The following KCNJ6 variants were observed in gnomAD, a reference collection of about 807,000 sequenced individuals.
KCNJ6 encodes potassium inwardly rectifying channel subfamily J member 6.
KCNJ6 carries 9 observed loss-of-function variants against 34.2 expected under a neutral mutation model. That is an observed-to-expected ratio of 0.26 (90% confidence interval 0.16 to 0.46). The LOEUF (loss-of-function observed/expected upper bound fraction) is 0.46. Among genes scored for constraint, KCNJ6 ranks in the 20% least tolerant of loss-of-function variants. The pLI, the probability that KCNJ6 is intolerant of heterozygous loss-of-function variation, is 1.00. For missense variants in KCNJ6, 236 were observed against 531.3 expected (o/e 0.44, Z 5.46); for synonymous variants, 196 against 207.1 (o/e 0.95, Z 0.46).
At chr21:37,650,445 G>A (rs946561566) in intron 3 of KCNJ6, among the ~76,000 whole-genome samples, 5 of 152,200 alleles carry the variant, frequency 3.3e-5, no homozygotes, top group African/African-American at 1.2e-4. Context: ...GGTACCAGGT[G>A]TGTAGTGCGT....
chr21:37,809,462 A>G (rs1420344387), intron 2 of KCNJ6, among the ~76,000 whole-genome samples: 6 of 152,102 alleles, frequency 3.9e-5, no homozygotes, highest in Non-Finnish European at 5.9e-5. Flanking sequence ...CCAACATGGC[A>G]CATGTATACA....
rs2054267086 is a variant in KCNJ6, at chr21:37,616,470, TC to T, written c.*8688del. ...AGATCCCACTGGACCAGTCCAGCTG[TC>T]CTTTCAGCACAAGACCTAACTTTAT... On this transcript the variant is annotated 3_prime_UTR_variant, in exon 4 of 4. Transcript: ENST00000609713. 1 of 150,644 alleles carries T rather than the reference TC, an allele frequency of 6.6e-6. No individual in the cohort carries two copies. The highest frequency in any genetic ancestry group is 1.5e-5 in the Non-Finnish European group (1 of 67,698). 9.3% of individuals were successfully genotyped at this position (150,644 alleles called of 1,614,324 possible).
At chr21:37,872,906 G>T (rs942417735) in intron 1 of KCNJ6, among the ~76,000 whole-genome samples, 2 of 152,136 alleles carry the variant, frequency 1.3e-5, no homozygotes, top group African/African-American at 4.8e-5. Flanking sequence ...TTCCCCTGCT[G>T]TCACTCATTC....
At chr21:37,627,709 G>A (rs1222736191) in intron 3 of KCNJ6, among the ~76,000 whole-genome samples, 2 of 152,198 alleles carry the variant, frequency 1.3e-5, no homozygotes, top group South Asian at 4.1e-4. Flanking sequence ...CCACATGCAT[G>A]TGTAAGGCTG....
chr21:37,842,474 T>C (rs2055485909), intron 1 of KCNJ6, among the ~76,000 whole-genome samples: 1 of 152,240 alleles, frequency 6.6e-6, no homozygotes, highest in Admixed American at 6.5e-5. Flanking sequence ...ATGGCAAGTA[T>C]TCTTGATTTC....
intron 3 of KCNJ6, among the ~76,000 whole-genome samples, chr21:37,653,892 T>C (rs2054445118): frequency 6.6e-6 from 1 of 152,050 alleles, no homozygotes; most frequent in Non-Finnish European, 1.5e-5. Flanking sequence ...TCTAGAAAAA[T>C]GGAGTGAAAT....
At chr21:37,780,321 G>C (rs1206478170) in intron 2 of KCNJ6, among the ~76,000 whole-genome samples, 2 of 152,184 alleles carry the variant, frequency 1.3e-5, no homozygotes, top group African/African-American at 4.8e-5. Context: ...GATAGAGGAA[G>C]TGATGAACAG....
chr21:37,747,676 C>A (rs2054974343), intron 2 of KCNJ6, among the ~76,000 whole-genome samples: 1 of 151,974 alleles, frequency 6.6e-6, no homozygotes, highest in Non-Finnish European at 1.5e-5. Flanking sequence ...GAGAAGGACT[C>A]AGCCCATGGT....
intron 1 of KCNJ6, among the ~76,000 whole-genome samples, chr21:37,897,436 CCACCACACAACA>C (rs1361557900): frequency 6.6e-6 from 1 of 152,174 alleles, no homozygotes; most frequent in East Asian, 1.9e-4. Flanking sequence ...GAGAAATGAC[CCACCACACAACA>C]CTTTCTTTCT....
chr21:37,882,333 A>C (rs1416855557), intron 1 of KCNJ6, among the ~76,000 whole-genome samples: 1 of 152,184 alleles, frequency 6.6e-6, no homozygotes, highest in Non-Finnish European at 1.5e-5. Flanking sequence ...TTGGTAACAG[A>C]AGTGCTGGGG....
intron 2 of KCNJ6, among the ~76,000 whole-genome samples, chr21:37,763,738 A>G (rs904059353): frequency 2.6e-5 from 4 of 152,162 alleles, no homozygotes; most frequent in African/African-American, 7.2e-5. Flanking sequence ...TCATTGTTCA[A>G]TTCCCACCTA....
intron 2 of KCNJ6, among the ~76,000 whole-genome samples, chr21:37,830,912 T>C (rs186159258): frequency 6.6e-6 from 1 of 152,300 alleles, no homozygotes; most frequent in African/African-American, 2.4e-5. Context: ...AGGGAGGGAA[T>C]TGCATTCTTA....
chr21:37,857,764 A>G (rs1370577576), intron 1 of KCNJ6, among the ~76,000 whole-genome samples: 1 of 152,026 alleles, frequency 6.6e-6, no homozygotes, highest in Non-Finnish European at 1.5e-5. Flanking sequence ...ATATTACAGG[A>G]AAAAAAAGAC....
intron 1 of KCNJ6, among the ~76,000 whole-genome samples, chr21:37,853,037 T>G (rs1413595637): frequency 6.6e-6 from 1 of 151,572 alleles, no homozygotes; most frequent in Non-Finnish European, 1.5e-5. Context: ...CATGTGGGGT[T>G]GTAACAAAAG....
At chr21:37,693,350 G>C (rs975209456) in intron 3 of KCNJ6, among the ~76,000 whole-genome samples, 4 of 152,182 alleles carry the variant, frequency 2.6e-5, no homozygotes, top group Non-Finnish European at 5.9e-5. Flanking sequence ...TCTGTCACAA[G>C]GAGGGGCCCA....
At chr21:37,881,359 A>T (rs1568883326) in intron 1 of KCNJ6, among the ~76,000 whole-genome samples, 1 of 152,148 alleles carries the variant, frequency 6.6e-6, no homozygotes, top group Non-Finnish European at 1.5e-5. Context: ...GGAGGCTGGG[A>T]ACTCTAAGAT....
At chr21:37,908,055 T>C (rs1983536918) in intron 1 of KCNJ6, among the ~76,000 whole-genome samples, 1 of 152,224 alleles carries the variant, frequency 6.6e-6, no homozygotes, top group African/African-American at 2.4e-5. Flanking sequence ...CATGGAAGGA[T>C]TAACATGCAT....
At chr21:37,649,058 C>T (rs561479165) in intron 3 of KCNJ6, among the ~76,000 whole-genome samples, 26 of 136,738 alleles carry the variant, frequency 1.9e-4, no homozygotes, top group African/African-American at 6.5e-4. Flanking sequence ...ACCTGAACTT[C>T]GAAGGTGGAG....
intron 2 of KCNJ6, among the ~76,000 whole-genome samples, chr21:37,799,939 ACT>A (rs1180779723): frequency 6.6e-6 from 1 of 152,212 alleles, no homozygotes; most frequent in Non-Finnish European, 1.5e-5. Context: ...CCTACAAAAA[ACT>A]ATGAAAATGT....
Sources: allele counts gnomAD v4.1 joint callset (sites outside exome capture counted in the v4.1 genomes callset), GRCh38; gene constraint gnomAD v4.1.1; transcripts MANE v1.5; gene names NCBI Gene and HGNC (gene_info 2026-07-23, HGNC 2026-07-21).